PACRGL: variants seen among roughly 807,000 people sequenced by gnomAD.
The protein encoded by PACRGL is parkin coregulated like.
PACRGL carries 38 observed loss-of-function variants against 34.5 expected under a neutral mutation model. The ratio of observed to expected loss-of-function variants is 1.10; its 90% confidence interval spans 0.85 to 1.44. The LOEUF (loss-of-function observed/expected upper bound fraction) is 1.44. PACRGL is among the 40% of genes most tolerant of loss of function. The probability of loss-of-function intolerance (pLI) is 0.00; values close to 1 mark genes in which losing one functional copy is unlikely to be tolerated. For synonymous variants in PACRGL, 128 were observed against 100.1 expected (o/e 1.28, Z -1.66); for missense variants, 305 against 281.4 (o/e 1.08, Z -0.60).
In PACRGL at chr4:20,712,859, A is replaced by C; in HGVS notation, c.438A>C (p.Lys146Asn). The change falls in exon 6 of 9, where the codon AAA (lysine) becomes AAC (asparagine). Residue 146 changes from lysine to asparagine, a missense_variant. Transcript: ENST00000503585. ...GTTTTAGAGAATTACTTTTGGTCAAAGGTGCTCCTGAAAAAGCTATTCCTT... is the reference window on the plus strand; with the variant it reads ...GTTTTAGAGAATTACTTTTGGTCAACGGTGCTCCTGAAAAAGCTATTCCTT... ...KEGFRELLLV[K>N]GAPEKAIPLL... The C allele has an allele frequency of 6.2e-7, 1 of 1,605,964 alleles. No homozygotes were observed. The highest frequency in any genetic ancestry group is 8.5e-7 in the Non-Finnish European group (1 of 1,175,106).
intron 8 of PACRGL, among the ~76,000 whole-genome samples, chr4:20,745,279 G>A (rs1243993848): frequency 2.0e-5 from 3 of 151,984 alleles, no homozygotes; most frequent in African/African-American, 7.3e-5. Context: ...TGATTCACAT[G>A]GTGACATCTA....
At chr4:20,711,324 T>G (rs1464750484) in intron 5 of PACRGL, among the ~76,000 whole-genome samples, 1 of 152,218 alleles carries the variant, frequency 6.6e-6, no homozygotes, top group Non-Finnish European at 1.5e-5. Flanking sequence ...TCAATGCTTT[T>G]CTTTCTGTAT....
the PACRGL span, among the ~76,000 whole-genome samples, chr4:20,764,026 T>C: frequency 1.9e-4 from 29 of 152,328 alleles, no homozygotes; most frequent in African/African-American, 6.5e-4. Flanking sequence ...CAAGAAGCAG[T>C]AGGGTTCCTG....
chr4:20,738,538 G>C (rs922115578), intron 8 of PACRGL, among the ~76,000 whole-genome samples: 3 of 152,140 alleles, frequency 2.0e-5, no homozygotes, highest in African/African-American at 7.2e-5. Context: ...CTGGCCTACA[G>C]CACTCATCAC....
chr4:20,732,541 AT>A lies in PACRGL; in HGVS notation c.*5202del. 1.5e-6 allele frequency: 1 copy of A among 664,790 alleles called. No homozygotes were observed. The highest frequency in any genetic ancestry group is 2.7e-6 in the Non-Finnish European group (1 of 374,666). The allele number at this position is 664,790 out of a possible 1,614,324, so 41.2% of individuals were successfully genotyped here. A position where few individuals can be genotyped will look rare whatever the true frequency, so the allele number is the denominator to read the frequency against. ...GTAAATTCAAAACCAAAGCTATTAA[AT>A]TAATAGGATGCTAAATACTGTTTTG... On this transcript the variant is annotated 3_prime_UTR_variant, in exon 9 of 9. Coordinates refer to ENST00000503585, the MANE Select transcript of PACRGL (RefSeq NM_001258345.3).
chr4:20,718,358 C>A (rs185597923), intron 7 of PACRGL, among the ~76,000 whole-genome samples: 2 of 152,234 alleles, frequency 1.3e-5, no homozygotes, highest in East Asian at 3.9e-4. Context: ...CCAGAACTTC[C>A]AACACTATGT....
chr4:20,723,518 G>A (rs1744340699), intron 7 of PACRGL, among the ~76,000 whole-genome samples: 1 of 151,932 alleles, frequency 6.6e-6, no homozygotes, highest in African/African-American at 2.4e-5. Context: ...GGAGTCAAAG[G>A]GATGTGATAT....
chr4:20,743,476 A>G (rs920963125), intron 8 of PACRGL, among the ~76,000 whole-genome samples: 2 of 152,128 alleles, frequency 1.3e-5, no homozygotes, highest in Non-Finnish European at 2.9e-5. Context: ...CACATCTACA[A>G]CCATCTGATC....
downstream of PACRGL, chr4:20,734,785 A>C: frequency 9.4e-7 from 1 of 1,063,748 alleles, no homozygotes; most frequent in Non-Finnish European, 1.4e-6. Context: ...AAAAAAACAA[A>C]AACAAAAAAA....
chr4:20,713,286 T>C (rs1214628730), intron 6 of PACRGL, 146 bp from the exon 7 acceptor site: 1 of 638,642 alleles, frequency 1.6e-6, no homozygotes, highest in East Asian at 2.8e-5. Flanking sequence ...TTTAAAATTC[T>C]AGGTTTTGTT....
At chr4:20,753,715 GCCCTCTGTAAAT>G (rs563144883), downstream of PACRGL, among the ~76,000 whole-genome samples, 352 of 152,234 alleles carry the variant, frequency 2.3e-3, 8 homozygotes, top group South Asian at 0.046. Context: ...CTGTCAATAA[GCCCTCTGTAAAT>G]CACCCTGAAA....
downstream of PACRGL, among the ~76,000 whole-genome samples, chr4:20,755,598 T>C (rs931105243): frequency 4.6e-5 from 7 of 152,018 alleles, no homozygotes; most frequent in Non-Finnish European, 8.8e-5. Flanking sequence ...GAAACAACAA[T>C]GGTACAAGTG....
At position 20,750,401 on chromosome 4, in the gene PACRGL, G is replaced by A. The variant is rs114643439; in HGVS notation, c.*57-2164G>A. The stretch of plus-strand genomic sequence containing the variant: ...TGTGGCTGTGTTGGAAGGGGACTGG[G>A]TGGTCCTACATGTTCCTAGTTGTAT... On this transcript the variant is annotated intron_variant, in intron 8 of 8. Coordinates refer to the PACRGL transcript ENST00000507634. 7.5e-3 allele frequency among the ~76,000 whole-genome samples: 1,135 copies of A among 152,236 alleles called. 14 individuals carry two copies. The highest frequency in any genetic ancestry group is 0.026 in the African/African-American group (1,070 of 41,542).
intron 8 of PACRGL, among the ~76,000 whole-genome samples, chr4:20,742,518 C>T (rs1248782880): frequency 6.6e-6 from 1 of 152,098 alleles, no homozygotes; most frequent in East Asian, 1.9e-4. Context: ...TATTCAGCAG[C>T]CCTTCATGCT....
chr4:20,715,753 G>A (rs1471515369), intron 7 of PACRGL, among the ~76,000 whole-genome samples: 1 of 152,000 alleles, frequency 6.6e-6, no homozygotes, highest in Non-Finnish European at 1.5e-5. Flanking sequence ...TGTAGTCCCA[G>A]CTTCAGGAGG....
chr4:20,739,251 GT>G (rs1750463728), intron 8 of PACRGL, among the ~76,000 whole-genome samples: 1 of 152,242 alleles, frequency 6.6e-6, no homozygotes, highest in Non-Finnish European at 1.5e-5. Context: ...CCAGCATGGA[GT>G]TTGAGATCTG....
intron 8 of PACRGL, among the ~76,000 whole-genome samples, chr4:20,750,070 G>C (rs1753316155): frequency 6.6e-6 from 1 of 152,164 alleles, no homozygotes; most frequent in Admixed American, 6.5e-5. Context: ...TTAGTGTTTG[G>C]AAGAGACCAT....
At chr4:20,704,899 T>G in intron 3 of PACRGL, 85 bp downstream of exon 3, 1 of 1,450,682 alleles carries the variant, frequency 6.9e-7, no homozygotes, top group African/African-American at 1.4e-5. Context: ...TGTGTTGAGT[T>G]TTGTCCCTTT....
the PACRGL span, among the ~76,000 whole-genome samples, chr4:20,761,562 T>C: frequency 6.6e-6 from 1 of 152,144 alleles, no homozygotes; most frequent in African/African-American, 2.4e-5. Flanking sequence ...AATACCTGGC[T>C]CTCTGCCATC....
Sources: gnomAD v4.1 joint callset for allele counts (sites outside exome capture counted in the v4.1 genomes callset) on GRCh38, gnomAD v4.1.1 for gene constraint, MANE v1.5 for transcripts, NCBI Gene and HGNC (gene_info 2026-07-23, HGNC 2026-07-21) for gene names.